The following MAN2A1 variants were observed in gnomAD, a reference collection of about 807,000 sequenced individuals.
MAN2A1 encodes the protein mannosidase alpha class 2A member 1.
A neutral mutation model predicts 142.6 loss-of-function variants in MAN2A1; 76 were observed. The ratio of observed to expected loss-of-function variants is 0.53; its 90% CI spans 0.44 to 0.65. The LOEUF (loss-of-function observed/expected upper bound fraction) is 0.65, where lower values mean the gene tolerates loss of function less well. Among genes scored for constraint, MAN2A1 ranks in the 30% least tolerant of loss-of-function variants. The pLI is 0.00. For missense variants in MAN2A1, 1,311 were observed against 1,365.1 expected (o/e 0.96, Z 0.62); for synonymous variants, 559 against 473.2 (o/e 1.18, Z -2.35).
Position 109,779,018 on chromosome 5 carries a change from G to A in MAN2A1, c.1375-2378G>A, listed in dbSNP as rs1448150953. ...AAGATTAAAGTTGTTGCCTTTTAAT[G>A]TAAAAACCATGTGAATATTTTTATT... On this transcript the variant is annotated intron_variant, in intron 8 of 21. Transcript: ENST00000261483. 3.3e-5 allele frequency among the ~76,000 whole-genome samples: 5 copies of A among 152,070 alleles called. No individual in the cohort carries two copies. The East Asian group carries it at 7.7e-4, about 23-fold the overall frequency.
chr5:109,770,587 C>G (rs1190763632), intron 7 of MAN2A1, 46 bp downstream of exon 7: 1 of 1,543,690 alleles, frequency 6.5e-7, no homozygotes, highest in Non-Finnish European at 8.9e-7. Context: ...AATAAAGTAG[C>G]CACTTAGCTG....
At chr5:109,729,241 T>C (rs1751831271) in intron 3 of MAN2A1, 101 bp from the exon 4 acceptor site, 1 of 677,514 alleles carries the variant, frequency 1.5e-6, no homozygotes, top group East Asian at 3.1e-5. Context: ...TGTCTATGAA[T>C]GAAAATTCTA....
intron 20 of MAN2A1, 84 bp downstream of exon 20, chr5:109,855,418 T>G (rs185155660): frequency 1.2e-6 from 1 of 837,784 alleles, no homozygotes; most frequent in Non-Finnish European, 1.7e-6. Context: ...AAAAAAATAA[T>G]GTATGCTTTA....
intron 5 of MAN2A1, among the ~76,000 whole-genome samples, chr5:109,758,374 TTATC>T (rs1554076164): frequency 1.3e-5 from 2 of 151,980 alleles, no homozygotes; most frequent in Non-Finnish European, 2.9e-5. Context: ...GTAGAGTTAT[TTATC>T]TTTTTATTAT....
At chr5:109,731,259 A>G (rs1391685565) in intron 4 of MAN2A1, among the ~76,000 whole-genome samples, 13 of 151,682 alleles carry the variant, frequency 8.6e-5, no homozygotes, top group Admixed American at 8.6e-4. Context: ...AATATATGAT[A>G]CATTATTCTT....
intron 12 of MAN2A1, among the ~76,000 whole-genome samples, chr5:109,812,511 C>T (rs960950229): frequency 1.6e-4 from 25 of 152,172 alleles, no homozygotes; most frequent in Non-Finnish European, 2.9e-4. Context: ...ATTCAGAATA[C>T]TGTATAAAGC....
chr5:109,817,598 A>G (rs1316285166), intron 13 of MAN2A1, among the ~76,000 whole-genome samples, 160 bp downstream of exon 13: 1 of 152,230 alleles, frequency 6.6e-6, no homozygotes, highest in African/African-American at 2.4e-5. Context: ...GTCAAATGAC[A>G]CTAAAGGAAA....
intron 12 of MAN2A1, among the ~76,000 whole-genome samples, chr5:109,807,421 T>G (rs1211368299): frequency 6.6e-6 from 1 of 152,190 alleles, no homozygotes; most frequent in African/African-American, 2.4e-5. Flanking sequence ...CTTATAGTTT[T>G]GGGGGTCAGA....
At chr5:109,758,663 A>G (rs911067572) in intron 5 of MAN2A1, among the ~76,000 whole-genome samples, 4 of 148,896 alleles carry the variant, frequency 2.7e-5, no homozygotes, top group Non-Finnish European at 5.9e-5. Flanking sequence ...TAAATTAACT[A>G]AATATTATAT....
intron 5 of MAN2A1, among the ~76,000 whole-genome samples, chr5:109,763,095 G>T (rs1017833714): frequency 6.6e-6 from 1 of 152,190 alleles, no homozygotes; most frequent in African/African-American, 2.4e-5. Context: ...TTGTGGATCA[G>T]ATTGCTTCAA....
intron 20 of MAN2A1, among the ~76,000 whole-genome samples, chr5:109,860,258 T>C (rs773699420): frequency 6.6e-6 from 1 of 152,216 alleles, no homozygotes; most frequent in Non-Finnish European, 1.5e-5. Context: ...CCTTTCTTTC[T>C]GTCATTTTAT....
Position 109,867,168 on chromosome 5 carries a change from A to G in MAN2A1, c.*170A>G, listed in dbSNP as rs1175632008. 4.8e-6 allele frequency: 2 copies of G among 413,886 alleles called. No homozygotes were observed. Among genetic ancestry groups the G allele is most frequent in the Non-Finnish European group, 8.4e-6 (2 of 237,340 alleles). 25.6% of individuals were successfully genotyped at this position (413,886 alleles called of 1,614,324 possible). ...TACCAGTACAGTAAGAAAAAAAAAA[A>G]AAAAAAAAAAGCCATGCTATCAATC... On this transcript the variant is annotated 3_prime_UTR_variant, in exon 22 of 22. Coordinates refer to ENST00000261483, the MANE Select transcript of MAN2A1 (RefSeq NM_002372.4).
intron 8 of MAN2A1, among the ~76,000 whole-genome samples, chr5:109,780,890 A>G (rs1027827564): frequency 2.0e-5 from 3 of 152,166 alleles, no homozygotes; most frequent in African/African-American, 7.2e-5. Flanking sequence ...CTTCTCCTTC[A>G]CAAGAACTCA....
intron 13 of MAN2A1, 74 bp downstream of exon 13, chr5:109,817,512 G>A: frequency 7.1e-7 from 1 of 1,408,892 alleles, no homozygotes. Context: ...TGTATGTACA[G>A]TAGCCCCCAT....
intron 20 of MAN2A1, among the ~76,000 whole-genome samples, chr5:109,859,650 A>C (rs777403190): frequency 1.3e-5 from 2 of 152,212 alleles, no homozygotes; most frequent in Non-Finnish European, 2.9e-5. Context: ...AATACACTAC[A>C]TGCAAAAGCC....
intron 3 of MAN2A1, among the ~76,000 whole-genome samples, chr5:109,718,638 T>G (rs1384181826): frequency 3.3e-5 from 5 of 152,204 alleles, no homozygotes; most frequent in Non-Finnish European, 5.9e-5. Context: ...AAGACCTCTT[T>G]GACCTTTCTC....
chr5:109,740,900 C>T (rs1163145475), intron 4 of MAN2A1, among the ~76,000 whole-genome samples: 2 of 152,126 alleles, frequency 1.3e-5, no homozygotes, highest in African/African-American at 4.8e-5. Context: ...TTTTCCTCCC[C>T]TCTCTCTTTT....
At chr5:109,832,340 T>C (rs965401460) in intron 16 of MAN2A1, among the ~76,000 whole-genome samples, 2 of 152,036 alleles carry the variant, frequency 1.3e-5, no homozygotes, top group Admixed American at 1.3e-4. Context: ...AGTTTTTGTG[T>C]CCCTGGGTAC....
chr5:109,727,588 G>A (rs1326416204), intron 3 of MAN2A1, among the ~76,000 whole-genome samples: 2 of 152,076 alleles, frequency 1.3e-5, no homozygotes, highest in African/African-American at 4.8e-5. Flanking sequence ...TTTAAGATGT[G>A]GAGCAGTTTA....
Sources: allele counts gnomAD v4.1 joint callset (sites outside exome capture counted in the v4.1 genomes callset), GRCh38; gene constraint gnomAD v4.1.1; transcripts MANE v1.5; gene names NCBI Gene and HGNC (gene_info 2026-07-23, HGNC 2026-07-21).